COL4A1: variants seen among roughly 807,000 people sequenced by gnomAD.
COL4A1 encodes the protein collagen type IV alpha 1 chain, also known as collagen alpha-1(IV) chain.
COL4A1 carries 40 observed loss-of-function variants against 216.6 expected under a neutral mutation model. The observed-to-expected ratio is 0.18, with a 90% confidence interval of 0.14 to 0.24. The LOEUF (loss-of-function observed/expected upper bound fraction) is 0.24. COL4A1 is among the 10% of genes least tolerant of loss of function. COL4A1 has a pLI of 1.00. For missense variants in COL4A1, 1,628 were observed against 2,196.8 expected (o/e 0.74, Z 5.18); for synonymous variants, 839 against 810.7 (o/e 1.03, Z -0.59).
Position 110,280,249 on chromosome 13 carries a change from G to A in COL4A1, c.84+26695C>T, listed in dbSNP as rs780723561. The stretch of plus-strand genomic sequence containing the variant: ...CCACTGACGGTCCTTAGTTTGCTGC[G>A]TGTTTGCTCCATCTGTGCCGAACAG... On this transcript the variant is annotated intron_variant, in intron 1 of 51. Transcript: ENST00000375820. 3.9e-5 allele frequency among the ~76,000 whole-genome samples: 6 copies of A among 152,152 alleles called. No homozygotes were observed. The South Asian group carries it at 1.0e-3, about 26-fold the overall frequency.
At chr13:110,271,003 G>A (rs142282178) in intron 1 of COL4A1, among the ~76,000 whole-genome samples, 9 of 152,236 alleles carry the variant, frequency 5.9e-5, no homozygotes, top group Middle Eastern at 3.4e-3. Flanking sequence ...AGACACATGC[G>A]CCAGCTGGAA....
chr13:110,180,597 A>G (rs575778631), intron 29 of COL4A1, among the ~76,000 whole-genome samples: 2 of 152,378 alleles, frequency 1.3e-5, no homozygotes, highest in African/African-American at 2.4e-5. Flanking sequence ...GTTCCTTACA[A>G]TCAGGACAGG....
chr13:110,272,581 G>A (rs1051970167), intron 1 of COL4A1, among the ~76,000 whole-genome samples: 3 of 147,886 alleles, frequency 2.0e-5, no homozygotes, highest in Non-Finnish European at 4.5e-5. Context: ...TAAAAGAAAA[G>A]GGGGGGAACT....
chr13:110,193,929 A>G (rs1878759758), intron 22 of COL4A1, among the ~76,000 whole-genome samples: 1 of 152,196 alleles, frequency 6.6e-6, no homozygotes, highest in African/African-American at 2.4e-5. Flanking sequence ...TGGGGAGACA[A>G]GGTGCATTCC....
intron 1 of COL4A1, among the ~76,000 whole-genome samples, chr13:110,288,274 AAAT>A (rs1555316112): frequency 1.4e-3 from 200 of 139,456 alleles, no homozygotes; most frequent in African/African-American, 3.2e-3. Flanking sequence ...AAAAAAAAAA[AAAT>A]AATAATAATA....
intron 2 of COL4A1, among the ~76,000 whole-genome samples, chr13:110,221,684 A>G (rs1461589839): frequency 6.6e-6 from 1 of 152,252 alleles, no homozygotes; most frequent in Admixed American, 6.5e-5. Flanking sequence ...GGCAACTATT[A>G]TCTTCAAGAG....
At position 110,206,661 on chromosome 13, in the gene COL4A1, T is replaced by A. The variant is rs916106593; in HGVS notation, c.858+4A>T. ...ATGATAAAAGGACTTTGGAAAGCAC[T>A]TACTCTGGGTCCTGGTTTTCCGGGT... On this transcript the variant is annotated splice_donor_region_variant and intron_variant, in intron 15 of 51. Transcript: ENST00000375820. 5.0e-6 allele frequency: 8 copies of A among 1,614,020 alleles called. No individual in the cohort carries two copies. The Admixed American group carries it at 1.0e-4, about 20-fold the overall frequency.
chr13:110,172,801 T>G (rs755953574), intron 40 of COL4A1, 31 bp from the exon 41 acceptor site: 1 of 1,598,580 alleles, frequency 6.3e-7, no homozygotes, highest in Admixed American at 1.7e-5. Context: ...GCCACGTTTC[T>G]CTTTACTTAA....
In COL4A1 at chr13:110,150,321, A is replaced by T. The variant is rs1175572126; in HGVS notation, c.*42T>A. 2.5e-6 allele frequency: 4 copies of T among 1,572,238 alleles called. No individual in the cohort carries two copies. The highest frequency in any genetic ancestry group is 3.5e-6 in the Non-Finnish European group (4 of 1,146,490). On this transcript the variant is annotated 3_prime_UTR_variant, in exon 52 of 52. Coordinates refer to ENST00000375820, the MANE Select transcript of COL4A1 (RefSeq NM_001845.6). The stretch of plus-strand genomic sequence containing the variant: ...TTCGTTGCTGTTAACAAAAAGAAGA[A>T]GAAGTAGCACCATGTTGTGACATTA...
rs1876720306 is a variant in COL4A1 at position 110,155,218 on chromosome 13, A to C, written c.4755+65T>G. ...ACTCCAAGGTGTGGAGGCACCAGAC[A>C]GAGGCGACTATGGGGCGTGAGTGGG... On this transcript the variant is annotated intron_variant, in intron 50 of 51. Coordinates refer to ENST00000375820, the MANE Select transcript of COL4A1 (RefSeq NM_001845.6). The C allele has an allele frequency of 5.0e-6, 6 of 1,189,176 alleles. No individual in the cohort carries two copies. The East Asian group carries it at 1.4e-4, about 28-fold the overall frequency. 73.7% of individuals were successfully genotyped at this position (1,189,176 alleles called of 1,614,324 possible).
intron 2 of COL4A1, among the ~76,000 whole-genome samples, chr13:110,218,979 A>G (rs1207693483): frequency 6.6e-6 from 1 of 152,028 alleles, no homozygotes; most frequent in Non-Finnish European, 1.5e-5. Flanking sequence ...CACAAGGCCA[A>G]CTCCTTGAGC....
At chr13:110,179,454 G>A (rs776576656) in intron 29 of COL4A1, 33 bp from the exon 30 acceptor site, 3 of 1,613,878 alleles carry the variant, frequency 1.9e-6, no homozygotes, top group South Asian at 2.2e-5. Context: ...GAAGCAAATT[G>A]ATTTGCAAAG....
At chr13:110,167,081 G>C in intron 44 of COL4A1, 77 bp downstream of exon 44, 1 of 1,177,296 alleles carries the variant, frequency 8.5e-7, no homozygotes, top group East Asian at 2.3e-5. Context: ...TCAGTGCTAA[G>C]GTGCCCGAGG....
rs1879867636 is a variant in COL4A1 at position 110,212,628 on chromosome 13, CG to C, written c.280-11del. 6.2e-7 allele frequency: 1 copy of C among 1,613,590 alleles called. No individual in the cohort carries two copies. Among genetic ancestry groups the C allele is most frequent in the Non-Finnish European group, 8.5e-7 (1 of 1,180,024 alleles). On this transcript the variant is annotated splice_polypyrimidine_tract_variant and intron_variant, in intron 4 of 51. Transcript: ENST00000375820. ...ATGCTCCCGGAGGTCCCTGTGAGGG[CG>C]GAAGTAAAAGCGTGTCAGTGAAGAG...
intron 44 of COL4A1, among the ~76,000 whole-genome samples, chr13:110,166,695 A>C (rs1877356956): frequency 6.6e-6 from 1 of 152,142 alleles, no homozygotes; most frequent in Admixed American, 6.5e-5. Context: ...AAATGATCCA[A>C]CTAGTGGAGG....
At chr13:110,234,822 G>A (rs1315494153) in intron 2 of COL4A1, among the ~76,000 whole-genome samples, 1 of 151,762 alleles carries the variant, frequency 6.6e-6, no homozygotes, top group Non-Finnish European at 1.5e-5. Context: ...AAGATGGTCT[G>A]ATGATCATAT....
intron 20 of COL4A1, among the ~76,000 whole-genome samples, chr13:110,199,395 A>G (rs1164046793): frequency 6.6e-6 from 1 of 152,080 alleles, no homozygotes; most frequent in African/African-American, 2.4e-5. Context: ...GCGCTGACCA[A>G]AGGGGCACAG....
intron 28 of COL4A1, 57 bp from the exon 29 acceptor site, chr13:110,181,446 C>T (rs569584055): frequency 1.5e-5 from 22 of 1,465,800 alleles, no homozygotes; most frequent in African/African-American, 2.8e-5. Context: ...ATTACAATGC[C>T]GTTCCCCACT....
rs1314914783 is a variant in COL4A1, at chr13:110,209,984, G to A, written c.611C>T (p.Pro204Leu). 2 of 1,614,116 alleles carry A rather than the reference G, an allele frequency of 1.2e-6. No individual in the cohort carries two copies. The highest frequency in any genetic ancestry group is 1.7e-6 in the Non-Finnish European group (2 of 1,180,002). Residue 204 changes from proline (P) to leucine (L), a missense_variant, in exon 10 of 52, where the codon CCA becomes CTA. Around this residue, in one of 8 missense-constraint regions of COL4A1, gnomAD observed 150 missense variants for 211.9 expected, o/e 0.71. Transcript: ENST00000375820. ...GAGACAGCCCCCAAAACTTACTGGT[G>A]GTCCGGTAAATCCTGGAGGCCCAAC... The part of the protein sequence containing the change: ...GPVGPPGFTG[P>L]PGPPGPPGPP...
Sources: gnomAD v4.1 joint callset for allele counts (sites outside exome capture counted in the v4.1 genomes callset) on GRCh38, gnomAD v4.1.1 for gene constraint, gnomAD v4.1.1 regional missense constraint, MANE v1.5 for transcripts, NCBI Gene and HGNC (gene_info 2026-07-23, HGNC 2026-07-21) for gene names.